The following EDN1 variants were observed in gnomAD, a reference collection of about 807,000 sequenced individuals.
The protein encoded by EDN1 is endothelin 1, also known as endothelin-1.
In EDN1, 11 loss-of-function variants were observed where a neutral mutation model predicts 21.7. The ratio of observed to expected loss-of-function variants is 0.51; its 90% CI spans 0.32 to 0.84. The LOEUF is 0.84. Among genes scored for constraint, EDN1 ranks in the 40% least tolerant of loss-of-function variants. The pLI, the probability that EDN1 is intolerant of heterozygous loss-of-function variation, is 0.03. For synonymous variants in EDN1, 85 were observed against 90.6 expected (o/e 0.94, Z 0.35); for missense variants, 244 against 262.3 (o/e 0.93, Z 0.48).
the EDN1 span, among the ~76,000 whole-genome samples, chr6:12,258,449 CAAAAA>C: frequency 3.1e-5 from 2 of 63,658 alleles, no homozygotes; most frequent in Non-Finnish European, 6.1e-5. Flanking sequence ...GATCATGTCT[CAAAAA>C]AAAAAAAAAA....
rs369379949 is a variant in EDN1, at chr6:12,294,020, C to A, written c.313C>A (p.Arg105Ser). ...ENLLPTKATD[R>S]ENRCQCASQK... ...TTTACTTCCCACAAAGGCAACAGACCGTGAAAATAGATGCCAATGTGCTAG... is the reference window on the plus strand; with the variant it reads ...TTTACTTCCCACAAAGGCAACAGACAGTGAAAATAGATGCCAATGTGCTAG... Residue 105 changes from arginine to serine, a missense_variant, in exon 3 of 5, where the codon CGT (arginine) becomes AGT (serine). Transcript: ENST00000379375. The A allele has an allele frequency of 3.1e-6, 5 of 1,614,188 alleles. No homozygotes were observed. Among genetic ancestry groups the A allele is most frequent in the Non-Finnish European group, 4.2e-6 (5 of 1,180,044 alleles).
the EDN1 span, among the ~76,000 whole-genome samples, chr6:12,273,911 A>T: frequency 6.6e-6 from 1 of 152,284 alleles, no homozygotes; most frequent in African/African-American, 2.4e-5. Context: ...TCATACAATA[A>T]AACAGCAGTC....
At chr6:12,261,153 T>A in the EDN1 span, among the ~76,000 whole-genome samples, 1 of 152,168 alleles carries the variant, frequency 6.6e-6, no homozygotes, top group South Asian at 2.1e-4. Context: ...CGTTAGTAGA[T>A]TGTGGAGTAC....
chr6:12,247,902 T>A, the EDN1 span, among the ~76,000 whole-genome samples: 1 of 152,062 alleles, frequency 6.6e-6, no homozygotes, highest in Non-Finnish European at 1.5e-5. Context: ...AAAATTCATG[T>A]GTTGGGACCC....
At chr6:12,247,985 T>C in the EDN1 span, among the ~76,000 whole-genome samples, 1 of 152,124 alleles carries the variant, frequency 6.6e-6, no homozygotes. Flanking sequence ...GTTAGGGTCT[T>C]AATCCAATGA....
At chr6:12,278,193 C>T in the EDN1 span, among the ~76,000 whole-genome samples, 1 of 152,134 alleles carries the variant, frequency 6.6e-6, no homozygotes, top group Non-Finnish European at 1.5e-5. Context: ...CCAATTATCC[C>T]CCAAAAATTC....
chr6:12,252,035 G>A, the EDN1 span, among the ~76,000 whole-genome samples: 1 of 152,172 alleles, frequency 6.6e-6, no homozygotes, highest in African/African-American at 2.4e-5. Context: ...ACATTGGGCA[G>A]CAAGTTCCTT....
upstream of EDN1, among the ~76,000 whole-genome samples, chr6:12,289,940 G>C (rs1039229707): frequency 6.6e-6 from 1 of 152,092 alleles, no homozygotes; most frequent in Non-Finnish European, 1.5e-5. Context: ...AAAATGAAGC[G>C]AGCAACAATT....
At chr6:12,293,405 G>T (rs985637228) in intron 2 of EDN1, among the ~76,000 whole-genome samples, 1 of 152,156 alleles carries the variant, frequency 6.6e-6, no homozygotes, top group African/African-American at 2.4e-5. Context: ...TGGTACCACC[G>T]ACTGGCAGGA....
the EDN1 span, among the ~76,000 whole-genome samples, chr6:12,233,441 G>A: frequency 1.3e-5 from 2 of 152,284 alleles, no homozygotes; most frequent in Admixed American, 6.5e-5. Flanking sequence ...CAGAATTCAC[G>A]AAATTGCCCA....
intron 4 of EDN1, among the ~76,000 whole-genome samples, chr6:12,294,840 A>C (rs978480696): frequency 1.3e-5 from 2 of 151,434 alleles, no homozygotes; most frequent in African/African-American, 4.8e-5. Flanking sequence ...AGTTGCAGTT[A>C]TTCAGATGGC....
At chr6:12,283,384 C>A in the EDN1 span, among the ~76,000 whole-genome samples, 1 of 151,998 alleles carries the variant, frequency 6.6e-6, no homozygotes, top group Non-Finnish European at 1.5e-5. Flanking sequence ...ATGTTGAAAG[C>A]CAGAGAACTT....
the EDN1 span, among the ~76,000 whole-genome samples, chr6:12,278,461 G>T: frequency 6.6e-6 from 1 of 152,026 alleles, no homozygotes; most frequent in African/African-American, 2.4e-5. Context: ...CCATCCTGAG[G>T]GTCCTTGAGG....
chr6:12,239,155 A>C, the EDN1 span, among the ~76,000 whole-genome samples: 1 of 152,202 alleles, frequency 6.6e-6, no homozygotes, highest in Non-Finnish European at 1.5e-5. Context: ...GAGTTGTCAC[A>C]GGGCAAATGA....
chr6:12,241,424 G>A, the EDN1 span, among the ~76,000 whole-genome samples: 1 of 151,892 alleles, frequency 6.6e-6, no homozygotes, highest in Non-Finnish European at 1.5e-5. Context: ...GCCCGCCTCA[G>A]CCTCCCAAAG....
At chr6:12,290,290 A>G (rs1762637096), upstream of EDN1, 3 of 331,644 alleles carry the variant, frequency 9.0e-6, no homozygotes, top group Admixed American at 4.3e-5. Flanking sequence ...GGGCTGGAAT[A>G]AAGTCGGAGC....
At chr6:12,287,385 G>A (rs1277632230), upstream of EDN1, among the ~76,000 whole-genome samples, 1 of 151,926 alleles carries the variant, frequency 6.6e-6, no homozygotes, top group Non-Finnish European at 1.5e-5. Context: ...AGTGCCTTAA[G>A]TGGAGGAGGG....
chr6:12,272,484 T>A, the EDN1 span, among the ~76,000 whole-genome samples: 2 of 142,828 alleles, frequency 1.4e-5, no homozygotes, highest in African/African-American at 5.2e-5. Flanking sequence ...TGAGACAGAG[T>A]TTCTCTCTTG....
the EDN1 span, among the ~76,000 whole-genome samples, chr6:12,258,449 CAA>C: frequency 2.8e-4 from 18 of 63,650 alleles, no homozygotes; most frequent in Admixed American, 5.3e-4. Context: ...GATCATGTCT[CAA>C]AAAAAAAAAA....
Sources: allele counts gnomAD v4.1 joint callset (sites outside exome capture counted in the v4.1 genomes callset), GRCh38; gene constraint gnomAD v4.1.1; transcripts MANE v1.5; gene names NCBI Gene and HGNC (gene_info 2026-07-23, HGNC 2026-07-21).